Variants in RPP14 observed in about 807,000 individuals in gnomAD.
RPP14 encodes the protein ribonuclease P protein subunit p14.
Under a neutral mutation model 17.8 loss-of-function variants are expected in RPP14, and 19 were observed. The ratio of observed to expected loss-of-function variants is 1.07; its 90% confidence interval spans 0.74 to 1.57. RPP14 has a LOEUF of 1.57. Among genes scored for constraint, RPP14 ranks in the 40% most tolerant of loss-of-function variants. RPP14 has a pLI of 0.00. For synonymous variants in RPP14, 60 were observed against 56.4 expected (o/e 1.06, Z -0.29); for missense variants, 125 against 140.8 (o/e 0.89, Z 0.57).
chr3:58,311,673 A>G (rs1234221605), intron 3 of RPP14, among the ~76,000 whole-genome samples: 2 of 124,310 alleles, frequency 1.6e-5, no homozygotes, highest in African/African-American at 2.9e-5. Context: ...CATTTTGCCT[A>G]TTGGGAATAC....
At chr3:58,315,247 T>A (rs1250156052) in intron 3 of RPP14, among the ~76,000 whole-genome samples, 1 of 152,050 alleles carries the variant, frequency 6.6e-6, no homozygotes, top group Admixed American at 6.6e-5. Context: ...TATGAATGAA[T>A]CTCCAGAGAA....
rs1047180095 is a variant in RPP14, at chr3:58,314,700, T to G, written c.163-1815T>G. ...ATTTTTTTTTTTTTTTTTTTTTTTT[T>G]GTTGAGATGGAGTCTCGTTCTGTCA... On this transcript the variant is annotated intron_variant, in intron 3 of 5. Transcript: ENST00000295959. Among the ~76,000 whole-genome samples the G allele has an allele frequency of 5.8e-3, 700 of 121,084 alleles. 4 individuals are homozygous for G. The highest frequency in any genetic ancestry group is 0.022 in the African/African-American group (661 of 29,952). 79.4% of individuals were successfully genotyped at this position (121,084 alleles called of 152,430 possible).
chr3:58,311,618 A>C (rs1336111072), intron 3 of RPP14, among the ~76,000 whole-genome samples: 1 of 151,362 alleles, frequency 6.6e-6, no homozygotes, highest in Non-Finnish European at 1.5e-5. Context: ...ATTGTAATAT[A>C]TACCACTTTT....
At chr3:58,316,446 G>A in intron 3 of RPP14, 69 bp from the exon 4 acceptor site, 1 of 1,410,598 alleles carries the variant, frequency 7.1e-7, no homozygotes, top group Non-Finnish European at 1.0e-6. Context: ...CTCATTTGTT[G>A]TCAAAAGTTG....
Position 58,316,509 on chromosome 3 carries a change from A to G in RPP14, c.163-6A>G, listed in dbSNP as rs188124725. 135 of 1,611,746 alleles carry G rather than the reference A, an allele frequency of 8.4e-5. No homozygotes were observed. In the East Asian group the frequency reaches 2.8e-3, roughly 34 times the overall value. On this transcript the variant is annotated splice_region_variant and splice_polypyrimidine_tract_variant and intron_variant, in intron 3 of 5. Transcript: ENST00000295959. ...TAGCCTGCTAATAGCATTATTCCAT[A>G]TGCAGGTTGATGCCGCCTTACCTTT...
At chr3:58,316,741 C>G (rs987298165) in intron 4 of RPP14, 150 bp downstream of exon 4, 1 of 877,184 alleles carries the variant, frequency 1.1e-6, no homozygotes, top group Non-Finnish European at 1.8e-6. Flanking sequence ...GAACATTCAT[C>G]CACCAGAAAC....
chr3:58,310,497 C>A lies in RPP14; in HGVS notation c.78-10C>A. 1.3e-6 allele frequency: 2 copies of A among 1,590,216 alleles called. No homozygotes were observed. Among genetic ancestry groups the A allele is most frequent in the Non-Finnish European group, 1.7e-6 (2 of 1,168,498 alleles). On this transcript the variant is annotated splice_polypyrimidine_tract_variant and intron_variant, in intron 2 of 5. Transcript: ENST00000295959. ...TTTAATATGACTTTTTTTTTTTTCACTTTTTTTAGAGAATTTCAAGATTGT... is the reference window on the plus strand; with the variant it reads ...TTTAATATGACTTTTTTTTTTTTCAATTTTTTTAGAGAATTTCAAGATTGT...
intron 5 of RPP14, 64 bp downstream of exon 5, chr3:58,317,057 T>C: frequency 4.4e-6 from 5 of 1,139,780 alleles, no homozygotes; most frequent in Non-Finnish European, 6.5e-6. Flanking sequence ...CTTCTTAATA[T>C]ACACAACTCA....
At chr3:58,315,372 T>G in intron 3 of RPP14, among the ~76,000 whole-genome samples, 2 of 141,324 alleles carry the variant, frequency 1.4e-5, no homozygotes, top group South Asian at 2.2e-4. Context: ...GTTGCTGGGG[T>G]GAGGAGTAGG....
intron 1 of RPP14, chr3:58,307,876 T>C (rs994378917): frequency 6.6e-6 from 1 of 152,046 alleles, no homozygotes; most frequent in African/African-American, 2.4e-5. Flanking sequence ...TTTTTTTTTT[T>C]TTTTAATTGC....
At chr3:58,312,052 G>A (rs35955376) in intron 3 of RPP14, among the ~76,000 whole-genome samples, 54,976 of 151,172 alleles carry the variant, frequency 0.36, 10,785 homozygotes, top group East Asian at 0.81. Flanking sequence ...ACTTGTAGAG[G>A]CAAGGTCTCA....
rs180990369 is a variant in RPP14, at chr3:58,312,263, T to G, written c.162+1672T>G. On this transcript the variant is annotated intron_variant, in intron 3 of 5. Transcript: ENST00000295959. ...CCCTAGAGATTATTTTATTTTATTT[T>G]TATTTATTTATTTTTTGAGACAGAG... is the stretch of plus-strand genomic sequence containing the variant. Among the ~76,000 whole-genome samples the G allele has an allele frequency of 5.0e-3, 764 of 152,014 alleles. 5 individuals are homozygous for G. Among genetic ancestry groups the G allele is most frequent in the Middle Eastern group, 0.01 (3 of 294 alleles).
At chr3:58,310,071 G>A (rs1038545273) in intron 1 of RPP14, 14 of 452,620 alleles carry the variant, frequency 3.1e-5, no homozygotes, top group Admixed American at 7.5e-5. Context: ...GTGGTGGCAC[G>A]TGCCTATACT....
intron 3 of RPP14, among the ~76,000 whole-genome samples, chr3:58,313,253 G>A (rs965704672): frequency 1.3e-5 from 2 of 151,620 alleles, no homozygotes; most frequent in East Asian, 1.9e-4. Context: ...AGCGAGACTC[G>A]GTCTCAAAAA....
At chr3:58,307,342 C>T (rs538235812) in intron 1 of RPP14, among the ~76,000 whole-genome samples, 7 of 152,138 alleles carry the variant, frequency 4.6e-5, no homozygotes, top group Non-Finnish European at 7.3e-5. Flanking sequence ...CACTGGCCGC[C>T]GTAGGGATGG....
rs997229689 is a variant in RPP14 at position 58,320,136 on chromosome 3, T to C, written c.*2640T>C. 9 of 152,206 alleles carry C rather than the reference T, an allele frequency of 5.9e-5. No individual in the cohort carries two copies. The highest frequency in any genetic ancestry group is 2.2e-4 in the African/African-American group (9 of 41,456). 9.4% of individuals were successfully genotyped at this position (152,206 alleles called of 1,614,324 possible). A position where few individuals can be genotyped will look rare whatever the true frequency, so the allele number is the denominator to read the frequency against. On this transcript the variant is annotated 3_prime_UTR_variant, in exon 6 of 6. Coordinates refer to ENST00000295959, the MANE Select transcript of RPP14 (RefSeq NM_007042.6). ...TTCAGGGTTCATCCATGTTACAGCA[T>C]GTATCAGTACATCATTTTATTTTAT...
At position 58,308,018 on chromosome 3, in the gene RPP14, A is replaced by G. The variant is rs1230807823; in HGVS notation, c.-22+1601A>G. On this transcript the variant is annotated intron_variant, in intron 1 of 5. Transcript: ENST00000295959. ...TTACTGGCATCTAAGCCCTGGGTCT[A>G]ATTTCACTCCCCTATTTTAGGCAGC... The G allele has an allele frequency of 2.6e-5, 4 of 152,090 alleles. No individual in the cohort carries two copies. In the East Asian group the frequency reaches 5.8e-4, roughly 22 times the overall value. 9.4% of individuals were successfully genotyped at this position (152,090 alleles called of 1,614,324 possible).
At chr3:58,316,662 T>A in intron 4 of RPP14, 71 bp downstream of exon 4, 1 of 1,333,092 alleles carries the variant, frequency 7.5e-7, no homozygotes, top group Non-Finnish European at 1.1e-6. Flanking sequence ...TGCTCTCTTC[T>A]GAGAATGAGA....
At chr3:58,315,476 G>A (rs2097487295) in intron 3 of RPP14, among the ~76,000 whole-genome samples, 1 of 152,162 alleles carries the variant, frequency 6.6e-6, no homozygotes. Context: ...GTTATATGAA[G>A]CTACCTATGT....
Sources: gnomAD v4.1 joint callset for allele counts (sites outside exome capture counted in the v4.1 genomes callset) on GRCh38, gnomAD v4.1.1 for gene constraint, MANE v1.5 for transcripts, NCBI Gene and HGNC (gene_info 2026-07-23, HGNC 2026-07-21) for gene names.